The following DIS3L2 variants were observed in gnomAD, a reference collection of about 807,000 sequenced individuals.
The protein encoded by DIS3L2 is DIS3-like exonuclease 2.
DIS3L2 carries 34 observed loss-of-function variants against 97.5 expected under a neutral mutation model. That is an observed-to-expected ratio of 0.35 (90% CI 0.27 to 0.46). DIS3L2 has a LOEUF of 0.46. Ranked by LOEUF, DIS3L2 falls within the 20% of genes least tolerant of loss-of-function variation. The pLI is 1.00. For synonymous variants in DIS3L2, 435 were observed against 445.2 expected (o/e 0.98, Z 0.29); for missense variants, 1,038 against 1,146.0 (o/e 0.91, Z 1.36).
At chr2:232,297,891 T>A (rs979647000) in intron 13 of DIS3L2, among the ~76,000 whole-genome samples, 3 of 152,094 alleles carry the variant, frequency 2.0e-5, no homozygotes, top group Non-Finnish European at 2.9e-5. Flanking sequence ...TTACTAGAGA[T>A]GGGGTTTTAC....
downstream of DIS3L2, among the ~76,000 whole-genome samples, chr2:232,341,276 A>G (rs538103510): frequency 1.1e-3 from 169 of 152,354 alleles, no homozygotes; most frequent in African/African-American, 3.8e-3. Context: ...GCTCAGCCCC[A>G]GGTGGTGCCT....
intron 9 of DIS3L2, among the ~76,000 whole-genome samples, chr2:232,194,254 A>G (rs1691690147): frequency 6.6e-6 from 1 of 152,104 alleles, no homozygotes; most frequent in South Asian, 2.1e-4. Context: ...GTGTGTATAT[A>G]CATGCTAATA....
chr2:232,045,096 C>T (rs1462779292), intron 5 of DIS3L2, among the ~76,000 whole-genome samples: 1 of 151,994 alleles, frequency 6.6e-6, no homozygotes, highest in Non-Finnish European at 1.5e-5. Flanking sequence ...AATAGGGATA[C>T]CCAGCTAGCT....
At chr2:232,263,506 C>T (rs142666752) in intron 13 of DIS3L2, 66 bp downstream of exon 13, 18 of 1,500,376 alleles carry the variant, frequency 1.2e-5, no homozygotes, top group South Asian at 3.5e-5. Context: ...CGTGGATGAG[C>T]GCAGCTTGGC....
chr2:232,239,160 C>T (rs1422040175), intron 11 of DIS3L2, among the ~76,000 whole-genome samples: 1 of 152,196 alleles, frequency 6.6e-6, no homozygotes, highest in African/African-American at 2.4e-5. Flanking sequence ...GCTTTTCCCT[C>T]TCATCCTGAC....
At chr2:232,252,146 G>A (rs1358936193) in intron 12 of DIS3L2, among the ~76,000 whole-genome samples, 5 of 152,224 alleles carry the variant, frequency 3.3e-5, no homozygotes, top group Admixed American at 1.3e-4. Flanking sequence ...GGTGGCTCAT[G>A]CCTGTTATCC....
intron 14 of DIS3L2, among the ~76,000 whole-genome samples, chr2:232,320,133 C>G (rs567014820): frequency 6.7e-6 from 1 of 149,488 alleles, no homozygotes; most frequent in South Asian, 2.2e-4. Context: ...GCCTCAGTGC[C>G]ACGTGGGGTG....
At position 232,197,866 on chromosome 2, in the gene DIS3L2, A is replaced by C. The variant is rs1357188077; in HGVS notation, c.1125-12460A>C. On this transcript the variant is annotated intron_variant, in intron 9 of 20. Transcript: ENST00000325385. ...TCCTAGCTACTTGGCAGGCTGAGGC[A>C]GGAGAATCACTTGAACCCGGGAGGG... 2.0e-5 allele frequency among the ~76,000 whole-genome samples: 3 copies of C among 152,114 alleles called. No individual in the cohort carries two copies. The East Asian group carries it at 5.8e-4, about 29-fold the overall frequency.
chr2:232,251,112 G>C (rs753229493), intron 12 of DIS3L2, among the ~76,000 whole-genome samples: 8 of 152,186 alleles, frequency 5.3e-5, no homozygotes, highest in Non-Finnish European at 1.2e-4. Flanking sequence ...ACCCTGTCCA[G>C]AGTTTACACT....
chr2:232,139,561 G>A lies in DIS3L2; in HGVS notation c.950+2842G>A, dbSNP rs372694267. Among the ~76,000 whole-genome samples, 289 of 152,302 alleles carry A rather than the reference G, an allele frequency of 1.9e-3. 2 individuals carry two copies. Among genetic ancestry groups the A allele is most frequent in the Middle Eastern group, 0.017 (5 of 294 alleles). ...AGCGCTGTGGGACTCCTGGGAAAGA[G>A]CGTGGATAAAACAGATGGCTTGAAT... On this transcript the variant is annotated intron_variant, in intron 8 of 20. Coordinates refer to ENST00000325385, the MANE Select transcript of DIS3L2 (RefSeq NM_152383.5).
chr2:231,962,237 C>T (rs1323160335), intron 1 of DIS3L2, among the ~76,000 whole-genome samples: 4 of 151,810 alleles, frequency 2.6e-5, no homozygotes, highest in African/African-American at 9.7e-5. Flanking sequence ...GCGCTTTCCA[C>T]AGTGATACAC....
intron 6 of DIS3L2, among the ~76,000 whole-genome samples, chr2:232,121,740 T>C (rs1460549586): frequency 6.6e-6 from 1 of 152,142 alleles, no homozygotes; most frequent in Admixed American, 6.5e-5. Flanking sequence ...CCTTTTATTT[T>C]GCATTTCTAA....
intron 5 of DIS3L2, among the ~76,000 whole-genome samples, chr2:232,047,739 C>T (rs1695281150): frequency 6.6e-6 from 1 of 152,228 alleles, no homozygotes; most frequent in Admixed American, 6.5e-5. Flanking sequence ...CCCTTCTTCC[C>T]AGATGCTGGT....
intron 8 of DIS3L2, among the ~76,000 whole-genome samples, chr2:232,163,064 G>A (rs541481572): frequency 3.9e-5 from 6 of 152,188 alleles, no homozygotes; most frequent in African/African-American, 1.2e-4. Context: ...TGTGAAATAG[G>A]AACATCAGAA....
At chr2:232,191,418 A>T (rs2106196324) in intron 9 of DIS3L2, among the ~76,000 whole-genome samples, 1 of 152,356 alleles carries the variant, frequency 6.6e-6, no homozygotes, top group Admixed American at 6.5e-5. Context: ...ATCAAGCTGG[A>T]TAACACAACT....
rs772722191 is a variant in DIS3L2 at position 232,015,554 on chromosome 2, G to A, written c.93G>A (p.Ser31=). The A allele has an allele frequency of 5.6e-6, 9 of 1,613,928 alleles. No individual in the cohort carries two copies. In the South Asian group the frequency reaches 8.8e-5, roughly 16 times the overall value. The change falls in exon 3 of 21, where the codon TCG becomes TCA. Residue 31 remains serine (S), a synonymous_variant. Coordinates refer to ENST00000325385, the MANE Select transcript of DIS3L2 (RefSeq NM_152383.5). ...CTGGTCCACATGACATTGGTGCTTCGCCAGGTGACAAAAAGTCAAAGAACA... is the reference window on the plus strand; with the variant it reads ...CTGGTCCACATGACATTGGTGCTTCACCAGGTGACAAAAAGTCAAAGAACA... ...AVAGPHDIGA[S]PGDKKSKNRS...
At chr2:232,104,110 A>G (rs1271662249) in intron 6 of DIS3L2, among the ~76,000 whole-genome samples, 2 of 152,188 alleles carry the variant, frequency 1.3e-5, no homozygotes, top group African/African-American at 4.8e-5. Context: ...TTTATTACCA[A>G]GGAATTTCTT....
Position 232,030,028 on chromosome 2 carries a change from C to T in DIS3L2, c.314C>T (p.Ala105Val), listed in dbSNP as rs762205587. The change falls in exon 5 of 21, where the codon GCC becomes GTC. Residue 105 changes from alanine to valine, a missense_variant. By Grantham distance (64) the Ala-to-Val change is moderately conservative (BLOSUM62 0). Transcript: ENST00000325385. Reference protein sequence around the residue: ...FIDGVVARNRALNGDLVVVKL... With the variant: ...FIDGVVARNRVLNGDLVVVKL... ...GATGGGGTTGTTGCTCGTAATAGAG[C>T]CTTAAATGGGGATCTGGTGGTCGTG... is the stretch of plus-strand genomic sequence containing the variant. 3.1e-6 allele frequency: 5 copies of T among 1,609,376 alleles called. No individual in the cohort carries two copies. Among genetic ancestry groups the T allele is most frequent in the Non-Finnish European group, 4.2e-6 (5 of 1,178,148 alleles).
chr2:232,317,152 A>C (rs999032631), intron 14 of DIS3L2, among the ~76,000 whole-genome samples: 2 of 152,162 alleles, frequency 1.3e-5, no homozygotes, highest in Non-Finnish European at 2.9e-5. Context: ...AGTGTGGAGA[A>C]TGTGTGTGAA....
Sources: allele counts gnomAD v4.1 joint callset (sites outside exome capture counted in the v4.1 genomes callset), GRCh38; gene constraint gnomAD v4.1.1; transcripts MANE v1.5; gene names NCBI Gene and HGNC (gene_info 2026-07-23, HGNC 2026-07-21).